PTPN2: variants seen among roughly 807,000 people sequenced by gnomAD.
The protein encoded by PTPN2 is tyrosine-protein phosphatase non-receptor type 2.
A neutral mutation model predicts 57.3 loss-of-function variants in PTPN2; 19 were observed. That is an observed-to-expected ratio of 0.33 (90% CI 0.23 to 0.49). PTPN2 has a LOEUF of 0.49. PTPN2 is among the 20% of genes least tolerant of loss of function. The pLI is 0.99. For synonymous variants in PTPN2, 153 were observed against 164.9 expected (o/e 0.93, Z 0.55); for missense variants, 358 against 501.1 (o/e 0.71, Z 2.73).
chr18:12,785,546 CAAAGT>C (rs2040826951), exon 10 of PTPN2: 2 of 505,558 alleles, frequency 4.0e-6, no homozygotes, highest in South Asian at 2.5e-5. Flanking sequence ...CAGTACAATA[CAAAGT>C]AATCTCCCCT....
In PTPN2 at chr18:12,851,342, G is replaced by A. The variant is rs1292156154; in HGVS notation, c.160+7822C>T. On this transcript the variant is annotated intron_variant, in intron 2 of 8. Transcript: ENST00000309660. ...AAAATACAAAAAATTAGCCGGGCGC[G>A]GTGGCGGGCGCCTGTAGTCCCAGCT... 2.2e-4 allele frequency among the ~76,000 whole-genome samples: 9 copies of A among 40,762 alleles called. 3 individuals are homozygous for A. Among genetic ancestry groups the A allele is most frequent in the Admixed American group, 3.6e-4 (1 of 2,750 alleles). 26.7% of individuals were successfully genotyped at this position (40,762 alleles called of 152,430 possible). A position where few individuals can be genotyped will look rare whatever the true frequency, so the allele number is the denominator to read the frequency against.
chr18:12,840,460 T>C (rs2043006634), intron 2 of PTPN2, among the ~76,000 whole-genome samples: 1 of 152,238 alleles, frequency 6.6e-6, no homozygotes, highest in South Asian at 2.1e-4. Flanking sequence ...AAGAAAATTC[T>C]ACTTGATGAA....
In PTPN2 at chr18:12,795,307, C is replaced by G. The variant is rs534806681; in HGVS notation, c.1041-822G>C. ...AATTTTTTTGGGGTGGTGGGGGAGG[C>G]GGGGTGGATGGAGTCTTGTTCTGTT... On this transcript the variant is annotated intron_variant, in intron 8 of 8. Transcript: ENST00000309660. Among the ~76,000 whole-genome samples, 212 of 151,824 alleles carry G rather than the reference C, an allele frequency of 1.4e-3. 1 individual carries two copies. The highest frequency in any genetic ancestry group is 4.9e-3 in the African/African-American group (202 of 41,472).
intron 1 of PTPN2, among the ~76,000 whole-genome samples, chr18:12,868,177 G>C (rs956390128): frequency 1.3e-5 from 2 of 152,138 alleles, no homozygotes; most frequent in Non-Finnish European, 1.5e-5. Flanking sequence ...AAAGCTTCCA[G>C]TGCATGGGAT....
In PTPN2 at chr18:12,785,811, A is replaced by G. The variant is rs1351963542; in HGVS notation, c.*12T>C. 1.9e-6 allele frequency: 3 copies of G among 1,609,478 alleles called. No homozygotes were observed. In the South Asian group the frequency reaches 3.3e-5, roughly 18 times the overall value. ...AAATTTATAGCTGCAGAATATTCTCAAGTCATGAATATTAGGTGTCTGTCA... is the reference window on the plus strand; with the variant it reads ...AAATTTATAGCTGCAGAATATTCTCGAGTCATGAATATTAGGTGTCTGTCA... On this transcript the variant is annotated 3_prime_UTR_variant, in exon 10 of 10. Transcript: ENST00000327283.
intron 2 of PTPN2, among the ~76,000 whole-genome samples, chr18:12,846,634 G>C (rs1259962612): frequency 6.6e-6 from 1 of 152,178 alleles, no homozygotes; most frequent in African/African-American, 2.4e-5. Flanking sequence ...TGTCGCAGAC[G>C]TGGAACCAGC....
At chr18:12,839,475 T>G (rs917798444) in intron 2 of PTPN2, 2 of 152,186 alleles carry the variant, frequency 1.3e-5, no homozygotes, top group Non-Finnish European at 2.9e-5. Flanking sequence ...GCTGTATAAG[T>G]AAGCCCCAAA....
rs546192631 is a variant in PTPN2, at chr18:12,875,848, G to T, written c.69+8225C>A. Among the ~76,000 whole-genome samples, 164 of 152,324 alleles carry T rather than the reference G, an allele frequency of 1.1e-3. 1 individual carries two copies. Among genetic ancestry groups the T allele is most frequent in the Non-Finnish European group, 2.0e-3 (138 of 68,036 alleles). On this transcript the variant is annotated intron_variant, in intron 1 of 8. Coordinates refer to ENST00000309660, the MANE Select transcript of PTPN2 (RefSeq NM_002828.4). ...CTAAAAGAACAGCAGGGGACTGAGA[G>T]AGCTGTAACAGTTCTCCAACTGGGA...
intron 1 of PTPN2, among the ~76,000 whole-genome samples, chr18:12,879,097 C>G (rs571253630): frequency 6.6e-6 from 1 of 152,306 alleles, no homozygotes; most frequent in East Asian, 1.9e-4. Flanking sequence ...ATTAACCTCA[C>G]ACAATCAGAC....
In PTPN2 at chr18:12,793,112, C is replaced by A. The variant is rs764429736; in HGVS notation, c.*1166G>T. 8.1e-6 allele frequency: 8 copies of A among 984,820 alleles called. No homozygotes were observed. The highest frequency in any genetic ancestry group is 9.6e-6 in the Non-Finnish European group (8 of 829,408). The allele number at this position is 984,820 out of a possible 1,614,324, so 61.0% of individuals were successfully genotyped here. On this transcript the variant is annotated 3_prime_UTR_variant, in exon 9 of 9. Coordinates refer to ENST00000309660, the MANE Select transcript of PTPN2 (RefSeq NM_002828.4). ...CTCCTAGCAATTAAATTTGTAACAACAATTTCAAGTTTAAGTAAGACAAAT... is the reference window on the plus strand; with the variant it reads ...CTCCTAGCAATTAAATTTGTAACAAAAATTTCAAGTTTAAGTAAGACAAAT...
chr18:12,822,483 T>A (rs1160905718), intron 5 of PTPN2, among the ~76,000 whole-genome samples: 1 of 152,202 alleles, frequency 6.6e-6, no homozygotes, highest in African/African-American at 2.4e-5. Context: ...CGAGATGCAA[T>A]CTCTTCTTCA....
At chr18:12,834,861 C>A (rs1164140796) in intron 3 of PTPN2, among the ~76,000 whole-genome samples, 1 of 151,982 alleles carries the variant, frequency 6.6e-6, no homozygotes, top group African/African-American at 2.4e-5. Flanking sequence ...GGTGGTAATT[C>A]TTCTCTATTT....
Position 12,870,290 on chromosome 18 carries a change from C to CGT in PTPN2, c.70-11037_70-11036insAC, listed in dbSNP as rs1410109401. On this transcript the variant is annotated intron_variant, in intron 1 of 8. Transcript: ENST00000309660. ...ATATATATGTATATATATACATATA[C>CGT]ATATATATGTGTATATATACATATA... Among the ~76,000 whole-genome samples the CGT allele has an allele frequency of 1.5e-3, 115 of 76,640 alleles. 7 individuals carry two copies. The highest frequency in any genetic ancestry group is 2.2e-3 in the Non-Finnish European group (100 of 44,452). The allele number at this position is 76,640 out of a possible 152,430, so 50.3% of individuals were successfully genotyped here.
At chr18:12,788,424 G>A (rs1261379512), downstream of PTPN2, among the ~76,000 whole-genome samples, 1 of 135,602 alleles carries the variant, frequency 7.4e-6, no homozygotes, top group Non-Finnish European at 1.5e-5. Flanking sequence ...CAGAGAGGGG[G>A]ATCAGGGCTT....
intron 7 of PTPN2, among the ~76,000 whole-genome samples, chr18:12,807,580 A>ATATAT (rs1405214676): frequency 1.1e-3 from 68 of 60,154 alleles, no homozygotes; most frequent in Non-Finnish European, 2.3e-3. Flanking sequence ...AAAAAAAAAA[A>ATATAT]AAAAAAATAT....
intron 6 of PTPN2, among the ~76,000 whole-genome samples, chr18:12,814,847 C>G (rs1319673148): frequency 6.6e-6 from 1 of 152,034 alleles, no homozygotes; most frequent in African/African-American, 2.4e-5. Context: ...AATCCCAACA[C>G]TTTGGGAGGC....
intron 1 of PTPN2, 133 bp downstream of exon 1, chr18:12,883,940 A>C (rs9961931): frequency 0.09 from 59,022 of 654,964 alleles, 7,915 homozygotes; most frequent in African/African-American, 0.5. Flanking sequence ...CCTGACGCGG[A>C]CCGCGCCGCC....
chr18:12,882,507 C>G (rs1261999983), intron 1 of PTPN2, among the ~76,000 whole-genome samples: 1 of 152,146 alleles, frequency 6.6e-6, no homozygotes, highest in East Asian at 1.9e-4. Flanking sequence ...GTTATATTCA[C>G]TTTTCTCTTT....
In PTPN2 at chr18:12,792,876, C is replaced by T; in HGVS notation, c.*1402G>A. The T allele has an allele frequency of 1.0e-6, 1 of 967,708 alleles. No individual in the cohort carries two copies. The highest frequency in any genetic ancestry group is 1.2e-6 in the Non-Finnish European group (1 of 813,798). The allele number at this position is 967,708 out of a possible 1,614,324, so 59.9% of individuals were successfully genotyped here. A position where few individuals can be genotyped will look rare whatever the true frequency, so the allele number is the denominator to read the frequency against. On this transcript the variant is annotated 3_prime_UTR_variant, in exon 9 of 9. Transcript: ENST00000309660. ...AAAGTGCTGGGATTACAGGCATGAGCCACCGCGCCCGACCAAACTGTTTTT... is the reference window on the plus strand; with the variant it reads ...AAAGTGCTGGGATTACAGGCATGAGTCACCGCGCCCGACCAAACTGTTTTT...
Sources: gnomAD v4.1 joint callset for allele counts (sites outside exome capture counted in the v4.1 genomes callset) on GRCh38, gnomAD v4.1.1 for gene constraint, MANE v1.5 for transcripts, NCBI Gene and HGNC (gene_info 2026-07-23, HGNC 2026-07-21) for gene names.